The following ZRANB3 variants were observed in gnomAD, a reference collection of about 807,000 sequenced individuals.
The protein encoded by ZRANB3 is DNA annealing helicase and endonuclease ZRANB3.
ZRANB3 carries 125 observed loss-of-function variants against 133.8 expected under a neutral mutation model. The observed-to-expected ratio is 0.93, with a 90% CI of 0.81 to 1.08. ZRANB3 has a LOEUF of 1.08. ZRANB3 is among the 50% of genes least tolerant of loss of function. The pLI is 0.00. For missense variants in ZRANB3, 1,229 were observed against 1,275.5 expected, an observed-to-expected ratio of 0.96 and a Z score of 0.56; for synonymous variants, 387 against 432.7, an observed-to-expected ratio of 0.89 and a Z score of 1.31.
chr2:135,282,558 A>G (rs1344140743), intron 8 of ZRANB3, among the ~76,000 whole-genome samples: 1 of 152,206 alleles, frequency 6.6e-6, no homozygotes, highest in Admixed American at 6.5e-5. Flanking sequence ...GTGAACTATC[A>G]AAAGTATTAT....
chr2:135,224,518 C>A lies in ZRANB3; in HGVS notation c.2159-1G>T. The A allele has an allele frequency of 6.2e-7, 1 of 1,608,808 alleles. No homozygotes were observed. Among genetic ancestry groups the A allele is most frequent in the South Asian group, 1.1e-5 (1 of 89,974 alleles). On this transcript the variant is annotated splice_acceptor_variant, in intron 14 of 20. Coordinates refer to ENST00000264159, the MANE Select transcript of ZRANB3 (RefSeq NM_032143.4). LOFTEE classifies it high-confidence loss of function. ...AAAGTGTCTGAACTCTTCCACTGTT[C>A]TATTAAAGAAGACAAAAGAGAACCT... is the stretch of plus-strand genomic sequence containing the variant.
At chr2:135,520,814 A>T (rs1336581532) in intron 1 of ZRANB3, among the ~76,000 whole-genome samples, 6 of 150,744 alleles carry the variant, frequency 4.0e-5, no homozygotes, top group South Asian at 2.1e-4. Context: ...TTTTTTTTTT[A>T]ATTTTTGTTG....
intron 6 of ZRANB3, among the ~76,000 whole-genome samples, chr2:135,325,873 G>C (rs971987647): frequency 6.6e-6 from 1 of 152,128 alleles, no homozygotes; most frequent in Admixed American, 6.6e-5. Flanking sequence ...CCAAATATTA[G>C]AAGTTTCTAG....
intron 8 of ZRANB3, among the ~76,000 whole-genome samples, chr2:135,286,089 T>A (rs1254993816): frequency 2.0e-5 from 3 of 152,210 alleles, no homozygotes; most frequent in Admixed American, 2.0e-4. Context: ...TTTATTTTAT[T>A]AGGTTTTTGG....
intron 2 of ZRANB3, among the ~76,000 whole-genome samples, chr2:135,400,582 G>A (rs1574040286): frequency 6.6e-6 from 1 of 152,138 alleles, no homozygotes; most frequent in Non-Finnish European, 1.5e-5. Context: ...TAATAGAAAG[G>A]TCTTATGTAT....
chr2:135,383,717 G>A (rs892474814), intron 3 of ZRANB3, among the ~76,000 whole-genome samples: 1 of 152,158 alleles, frequency 6.6e-6, no homozygotes, highest in Non-Finnish European at 1.5e-5. Flanking sequence ...CGACTACGTG[G>A]AAACTGAACA....
In ZRANB3 at chr2:135,415,594, C is replaced by A. The variant is rs578257696; in HGVS notation, c.162-24774G>T. 9.2e-5 allele frequency among the ~76,000 whole-genome samples: 14 copies of A among 152,300 alleles called. No homozygotes were observed. The South Asian group carries it at 2.5e-3, about 27-fold the overall frequency. ...TCAATAAAAAAAGAGGGAATCCTCC[C>A]TAACTCATTTTATGAGGTCAGCATC... is the stretch of plus-strand genomic sequence containing the variant. On this transcript the variant is annotated intron_variant, in intron 2 of 20. Transcript: ENST00000264159.
At chr2:135,488,561 T>C (rs1021044247) in intron 2 of ZRANB3, among the ~76,000 whole-genome samples, 1 of 151,700 alleles carries the variant, frequency 6.6e-6, no homozygotes, top group Non-Finnish European at 1.5e-5. Context: ...TATTTGAATA[T>C]ACTATATAGC....
At chr2:135,234,616 G>A (rs1378309651) in intron 12 of ZRANB3, among the ~76,000 whole-genome samples, 4 of 152,146 alleles carry the variant, frequency 2.6e-5, no homozygotes, top group Non-Finnish European at 5.9e-5. Context: ...AATCAAACTA[G>A]AACTCAGGAT....
chr2:135,470,058 T>G (rs975155351), intron 2 of ZRANB3, among the ~76,000 whole-genome samples: 24 of 139,798 alleles, frequency 1.7e-4, no homozygotes, highest in African/African-American at 6.4e-4. Context: ...GGCACGGTGA[T>G]TCACGCCTGT....
chr2:135,442,650 G>T (rs1689830839), intron 2 of ZRANB3, among the ~76,000 whole-genome samples: 1 of 152,134 alleles, frequency 6.6e-6, no homozygotes, highest in African/African-American at 2.4e-5. Context: ...ATTCCTCAAG[G>T]ATCTAGAACT....
In ZRANB3 at chr2:135,360,273, C is replaced by T. The variant is rs530464533; in HGVS notation, c.181-6645G>A. Among the ~76,000 whole-genome samples the T allele has an allele frequency of 2.0e-3, 308 of 151,314 alleles. 2 individuals are homozygous for T. The highest frequency in any genetic ancestry group is 7.0e-3 in the African/African-American group (290 of 41,220). The stretch of plus-strand genomic sequence containing the variant: ...GCGCACACCTGTAGTCCCAGCTACT[C>T]GGGAGGCTGAGGCAGGAGAATTGCT... On this transcript the variant is annotated intron_variant, in intron 3 of 20. Coordinates refer to ENST00000264159, the MANE Select transcript of ZRANB3 (RefSeq NM_032143.4).
chr2:135,454,042 A>C (rs904491118), intron 2 of ZRANB3, among the ~76,000 whole-genome samples: 1 of 152,240 alleles, frequency 6.6e-6, no homozygotes. Context: ...CACTTCTTAC[A>C]TGGTGGCAGC....
intron 3 of ZRANB3, among the ~76,000 whole-genome samples, chr2:135,384,281 A>G (rs936467735): frequency 6.6e-6 from 1 of 152,234 alleles, no homozygotes; most frequent in African/African-American, 2.4e-5. Context: ...ACACTCTCCC[A>G]AGACTAAACC....
chr2:135,495,423 G>T lies in ZRANB3; in HGVS notation c.161+8906C>A, dbSNP rs112272417. Among the ~76,000 whole-genome samples, 156 of 152,202 alleles carry T rather than the reference G, an allele frequency of 1.0e-3. 1 individual carries two copies. The highest frequency in any genetic ancestry group is 3.6e-3 in the African/African-American group (151 of 41,530). On this transcript the variant is annotated intron_variant, in intron 2 of 20. Transcript: ENST00000264159. The stretch of plus-strand genomic sequence containing the variant: ...TAAAAGAATGGCTACTCCATAGGCA[G>T]AGCAGCCAGTTTCGCAGATTAAAGG...
intron 1 of ZRANB3, among the ~76,000 whole-genome samples, chr2:135,512,506 TATTAA>T (rs1194433009): frequency 1.3e-5 from 2 of 151,842 alleles, no homozygotes; most frequent in Admixed American, 1.3e-4. Flanking sequence ...TTAGAAAAGA[TATTAA>T]ATGTAAATGG....
At position 135,294,206 on chromosome 2, in the gene ZRANB3, A is replaced by C. The variant is rs1192907566; in HGVS notation, c.967-18451T>G. Among the ~76,000 whole-genome samples, 24 of 152,198 alleles carry C rather than the reference A, an allele frequency of 1.6e-4. 1 individual carries two copies. The highest frequency in any genetic ancestry group is 3.4e-3 in the Middle Eastern group (1 of 292). On this transcript the variant is annotated intron_variant, in intron 8 of 20. Transcript: ENST00000264159. ...TCCTTGTACCTCTCATAGAATTTGG[A>C]TATGAATCCATCTGGTCCTGGACTT...
At chr2:135,510,277 A>G (rs1338769277) in intron 1 of ZRANB3, among the ~76,000 whole-genome samples, 3 of 152,176 alleles carry the variant, frequency 2.0e-5, no homozygotes, top group Non-Finnish European at 4.4e-5. Context: ...AAGCAAGGAA[A>G]TTCAGTCTTT....
Position 135,275,726 on chromosome 2 carries a change from C to A in ZRANB3, c.996G>T (p.Met332Ile). The change falls in exon 9 of 21, where the codon ATG becomes ATT. Residue 332 changes from methionine to isoleucine, a missense_variant. Coordinates refer to ENST00000264159, the MANE Select transcript of ZRANB3 (RefSeq NM_032143.4). ...KAGAVKDYIKMMLQNDSLKFL... is the reference protein window; with the variant it reads ...KAGAVKDYIKIMLQNDSLKFL... The stretch of plus-strand genomic sequence containing the variant: ...ATTTAAGCGAATCATTCTGAAGCAT[C>A]ATCTTAATATAATCCTTTACAGCAC... 1 of 1,600,074 alleles carries A rather than the reference C, an allele frequency of 6.2e-7. No homozygotes were observed. The highest frequency in any genetic ancestry group is 8.5e-7 in the Non-Finnish European group (1 of 1,172,112).
Sources: gnomAD v4.1 joint callset for allele counts (sites outside exome capture counted in the v4.1 genomes callset) on GRCh38, gnomAD v4.1.1 for gene constraint, MANE v1.5 for transcripts, NCBI Gene and HGNC (gene_info 2026-07-23, HGNC 2026-07-21) for gene names.